The following IGF1R variants were observed in gnomAD, a reference collection of about 807,000 sequenced individuals.
IGF1R encodes the protein insulin-like growth factor 1 receptor.
A neutral mutation model predicts 144.6 loss-of-function variants in IGF1R; 44 were observed. That is an observed-to-expected ratio of 0.30 (90% CI 0.24 to 0.39). The LOEUF is 0.39. IGF1R is among the 10% of genes least tolerant of loss of function. The probability of loss-of-function intolerance (pLI) is 1.00; values close to 1 mark genes in which losing one functional copy is unlikely to be tolerated. For synonymous variants in IGF1R, 795 were observed against 722.8 expected, an observed-to-expected ratio of 1.10 and a Z score of -1.60; for missense variants, 1,355 against 1,833.7, an observed-to-expected ratio of 0.74 and a Z score of 4.77.
intron 2 of IGF1R, chr15:98,880,609 G>C (rs912477132): frequency 3.3e-5 from 5 of 152,210 alleles, no homozygotes; most frequent in African/African-American, 9.7e-5. Flanking sequence ...CAAGGGGATG[G>C]CATAGAACTA....
chr15:98,676,435 C>T (rs1309459291), intron 1 of IGF1R, among the ~76,000 whole-genome samples: 6 of 152,088 alleles, frequency 3.9e-5, no homozygotes, highest in South Asian at 4.1e-4. Flanking sequence ...CGCTCCTGGC[C>T]GAGACTCTAT....
intron 2 of IGF1R, among the ~76,000 whole-genome samples, chr15:98,828,602 C>T (rs188964057): frequency 9.8e-5 from 15 of 152,292 alleles, no homozygotes; most frequent in Non-Finnish European, 2.1e-4. Context: ...CACGTTCCCA[C>T]TGACCTTCAG....
At chr15:98,660,498 G>A (rs997281164) in intron 1 of IGF1R, 2 of 152,168 alleles carry the variant, frequency 1.3e-5, no homozygotes, top group Non-Finnish European at 2.9e-5. Flanking sequence ...TGCATAGGAG[G>A]AGCTGAAGAA....
chr15:98,836,343 A>C (rs2141517479), intron 2 of IGF1R, among the ~76,000 whole-genome samples: 1 of 152,014 alleles, frequency 6.6e-6, no homozygotes, highest in East Asian at 1.9e-4. Flanking sequence ...AAGCTGTGAG[A>C]CTATCTCTAC....
In IGF1R at chr15:98,959,198, T is replaced by C. The variant is rs185988373; in HGVS notation, c.*1756T>C. ...CTTTGCTTAGGTTGTGACACACATA[T>C]ATATATATTTTTTTAATTCTTGGGT... On this transcript the variant is annotated 3_prime_UTR_variant, in exon 21 of 21. Coordinates refer to ENST00000650285, the MANE Select transcript of IGF1R (RefSeq NM_000875.5). 4.7e-5 allele frequency: 11 copies of C among 233,478 alleles called. No homozygotes were observed. Among genetic ancestry groups the C allele is most frequent in the Admixed American group, 4.5e-4 (8 of 17,784 alleles). The allele number at this position is 233,478 out of a possible 1,614,324, so 14.5% of individuals were successfully genotyped here. A position where few individuals can be genotyped will look rare whatever the true frequency, so the allele number is the denominator to read the frequency against.
At chr15:98,948,840 G>A (rs1333030473) in intron 20 of IGF1R, 132 bp downstream of exon 20, 2 of 1,087,438 alleles carry the variant, frequency 1.8e-6, no homozygotes, top group East Asian at 4.7e-5. Flanking sequence ...GCGTGGCTAA[G>A]AGGTTTGTCC....
intron 1 of IGF1R, among the ~76,000 whole-genome samples, chr15:98,670,818 C>A (rs1430986114): frequency 6.6e-6 from 1 of 152,058 alleles, no homozygotes; most frequent in Non-Finnish European, 1.5e-5. Context: ...TTTTTCTTTG[C>A]TTTTCTCCCC....
At chr15:98,939,478 CCTT>C (rs1468170293) in intron 18 of IGF1R, 118 bp downstream of exon 18, 19 of 940,872 alleles carry the variant, frequency 2.0e-5, no homozygotes, top group Middle Eastern at 2.9e-4. Flanking sequence ...TGCACGGACT[CCTT>C]CTTGGGAATG....
chr15:98,946,695 G>A (rs759704123), intron 19 of IGF1R, among the ~76,000 whole-genome samples: 4 of 152,216 alleles, frequency 2.6e-5, no homozygotes, highest in Non-Finnish European at 4.4e-5. Context: ...TCGGAGTTCA[G>A]TGTGAGACGC....
At chr15:98,865,831 A>G (rs1290513283) in intron 2 of IGF1R, among the ~76,000 whole-genome samples, 1 of 152,112 alleles carries the variant, frequency 6.6e-6, no homozygotes. Context: ...TGTTGGAAGG[A>G]AATCATTTTG....
At position 98,908,719 on chromosome 15, in the gene IGF1R, T is replaced by A; in HGVS notation, c.1282T>A (p.Leu428Met). The change falls in exon 6 of 21, where the codon TTG becomes ATG. Residue 428 changes from leucine (L) to methionine (M), a missense_variant. Physicochemically the swap from Leu to Met is conservative, Grantham distance 15. This residue lies in a region of IGF1R where 880 missense variants were observed against 1,202.7 expected (regional missense o/e 0.73). Transcript: ENST00000650285. ...CTTCTACGTCCTCGACAACCAGAAC[T>A]TGCAGCAACTGTGGGACTGGGACCA... ...YSFYVLDNQN[L>M]QQLWDWDHRN... The A allele has an allele frequency of 6.2e-7, 1 of 1,614,102 alleles. No individual in the cohort carries two copies. Among genetic ancestry groups the A allele is most frequent in the Non-Finnish European group, 8.5e-7 (1 of 1,180,004 alleles).
intron 1 of IGF1R, among the ~76,000 whole-genome samples, chr15:98,685,480 A>G (rs1346921003): frequency 6.6e-6 from 1 of 152,120 alleles, no homozygotes; most frequent in African/African-American, 2.4e-5. Flanking sequence ...CCCGCTTCCC[A>G]GTGGGTTTCC....
chr15:98,650,944 G>T (rs1257150305), intron 1 of IGF1R: 1 of 984,942 alleles, frequency 1.0e-6, no homozygotes, highest in Non-Finnish European at 1.2e-6. Flanking sequence ...GTCTACGGCC[G>T]GAGGAGGTGG....
At chr15:98,784,123 C>T (rs1172775881) in intron 2 of IGF1R, among the ~76,000 whole-genome samples, 16 of 151,854 alleles carry the variant, frequency 1.1e-4, no homozygotes, top group African/African-American at 2.9e-4. Context: ...TGCAGGCACC[C>T]GCAACCACAC....
intron 13 of IGF1R, among the ~76,000 whole-genome samples, chr15:98,928,439 C>T (rs948567603): frequency 3.3e-5 from 5 of 152,190 alleles, no homozygotes; most frequent in Non-Finnish European, 7.3e-5. Context: ...CCCTGGAACG[C>T]GAATCTGATC....
intron 2 of IGF1R, among the ~76,000 whole-genome samples, chr15:98,750,510 A>G (rs973504583): frequency 6.6e-6 from 1 of 152,130 alleles, no homozygotes; most frequent in East Asian, 1.9e-4. Context: ...CCTTGGTTTC[A>G]TTTTGTTCTG....
intron 2 of IGF1R, among the ~76,000 whole-genome samples, chr15:98,750,459 C>T (rs982681802): frequency 1.3e-5 from 2 of 152,154 alleles, no homozygotes; most frequent in South Asian, 2.1e-4. Context: ...GAGTTGGAGC[C>T]ACAGTCCAAA....
At chr15:98,900,281 G>T (rs931241470) in intron 5 of IGF1R, among the ~76,000 whole-genome samples, 1 of 152,190 alleles carries the variant, frequency 6.6e-6, no homozygotes, top group Admixed American at 6.5e-5. Context: ...CAGCCTGTGT[G>T]TACCTTTGCA....
At chr15:98,848,372 T>G (rs2011416180) in intron 2 of IGF1R, among the ~76,000 whole-genome samples, 2 of 152,276 alleles carry the variant, frequency 1.3e-5, no homozygotes, top group African/African-American at 4.8e-5. Context: ...AGTGCCAGTC[T>G]CTCTATGGGT....
Sources: gnomAD v4.1 joint callset for allele counts (sites outside exome capture counted in the v4.1 genomes callset) on GRCh38, gnomAD v4.1.1 for gene constraint, gnomAD v4.1.1 regional missense constraint, MANE v1.5 for transcripts, NCBI Gene and HGNC (gene_info 2026-07-23, HGNC 2026-07-21) for gene names.